The following SV2C variants were observed in gnomAD, a reference collection of about 807,000 sequenced individuals.
SV2C encodes the protein solute carrier family 22 member B3.
SV2C carries 49 observed loss-of-function variants against 79.7 expected under a neutral mutation model. The ratio of observed to expected loss-of-function variants is 0.61; its 90% CI spans 0.49 to 0.78. SV2C has a LOEUF of 0.78. Ranked by LOEUF, SV2C falls within the 30% of genes least tolerant of loss-of-function variation. The probability of loss-of-function intolerance (pLI) is 0.00; values close to 1 mark genes in which losing one functional copy is unlikely to be tolerated. For missense variants in SV2C, 833 were observed against 912.9 expected (o/e 0.91, Z 1.13); for synonymous variants, 334 against 333.2 (o/e 1.00, Z -0.03).
chr5:76,022,743 TA>T, the SV2C span, among the ~76,000 whole-genome samples: 1 of 152,246 alleles, frequency 6.6e-6, no homozygotes, highest in Non-Finnish European at 1.5e-5. Context: ...ACATATAAAA[TA>T]ATGCATTAAT....
chr5:76,273,653 C>T (rs921247875), intron 4 of SV2C, among the ~76,000 whole-genome samples: 2 of 152,134 alleles, frequency 1.3e-5, no homozygotes, highest in Non-Finnish European at 2.9e-5. Context: ...AAGGGCAAGA[C>T]CAGAGCTTGG....
chr5:76,349,344 C>G (rs1236311019), intron 12 of SV2C, among the ~76,000 whole-genome samples: 1 of 152,096 alleles, frequency 6.6e-6, no homozygotes, highest in Non-Finnish European at 1.5e-5. Flanking sequence ...AAATCCCTGT[C>G]TCTACTAAAA....
chr5:76,097,096 C>T (rs906606317), intron 1 of SV2C, among the ~76,000 whole-genome samples: 1 of 152,138 alleles, frequency 6.6e-6, no homozygotes, highest in African/African-American at 2.4e-5. Flanking sequence ...AGCCCACATT[C>T]CATTGACCAA....
At chr5:76,002,988 C>G in the SV2C span, among the ~76,000 whole-genome samples, 7 of 151,874 alleles carry the variant, frequency 4.6e-5, no homozygotes, top group East Asian at 1.2e-3. Flanking sequence ...GGGAGGGGCC[C>G]GGTGGGAGGT....
At position 76,162,060 on chromosome 5, in the gene SV2C, G is replaced by C. The variant is rs530864444; in HGVS notation, c.580+29730G>C. 5.3e-5 allele frequency among the ~76,000 whole-genome samples: 8 copies of C among 151,908 alleles called. No homozygotes were observed. In the East Asian group the frequency reaches 1.4e-3, roughly 26 times the overall value. ...TATAGTCTTTAGACTGATGCTCTTGGATAAGTTTGGCTTAGAAGAAAAAAA... is the reference window on the plus strand; with the variant it reads ...TATAGTCTTTAGACTGATGCTCTTGCATAAGTTTGGCTTAGAAGAAAAAAA... On this transcript the variant is annotated intron_variant, in intron 2 of 12. Coordinates refer to ENST00000502798, the MANE Select transcript of SV2C (RefSeq NM_014979.4).
the SV2C span, among the ~76,000 whole-genome samples, chr5:75,881,814 G>A: frequency 1.9e-4 from 28 of 149,178 alleles, 1 homozygote; most frequent in Admixed American, 1.8e-3. Flanking sequence ...AATTGCCCTG[G>A]CCAGAACTTC....
chr5:76,336,882 G>A (rs1342554234), downstream of SV2C, among the ~76,000 whole-genome samples: 1 of 152,220 alleles, frequency 6.6e-6, no homozygotes, highest in East Asian at 1.9e-4. Flanking sequence ...TTCACCAGAG[G>A]ATGCTGGGGT....
At chr5:76,212,449 T>TTC (rs959709096) in intron 4 of SV2C, among the ~76,000 whole-genome samples, 6 of 151,714 alleles carry the variant, frequency 4.0e-5, no homozygotes, top group East Asian at 1.9e-4. Context: ...GTGCTTTTTT[T>TTC]TCTCTCTCTC....
At chr5:76,064,577 G>A in the SV2C span, among the ~76,000 whole-genome samples, 1 of 152,106 alleles carries the variant, frequency 6.6e-6, no homozygotes, top group African/African-American at 2.4e-5. Context: ...GGGGTATTGT[G>A]TTAGGTCCTA....
the SV2C span, among the ~76,000 whole-genome samples, chr5:76,007,306 C>T: frequency 1.3e-5 from 2 of 151,830 alleles, no homozygotes; most frequent in East Asian, 2.0e-4. Flanking sequence ...AAAACATAAG[C>T]GTATAGTGAA....
the SV2C span, among the ~76,000 whole-genome samples, chr5:75,950,554 A>G: frequency 6.6e-6 from 1 of 151,996 alleles, no homozygotes; most frequent in Non-Finnish European, 1.5e-5. Context: ...TGATACTACA[A>G]TTGGTCAAAA....
chr5:76,152,809 C>A (rs145800173), intron 2 of SV2C, among the ~76,000 whole-genome samples: 1 of 152,122 alleles, frequency 6.6e-6, no homozygotes, highest in African/African-American at 2.4e-5. Context: ...GGCACACTAC[C>A]GTTATAAGGT....
chr5:75,949,671 G>A, the SV2C span, among the ~76,000 whole-genome samples: 1 of 151,842 alleles, frequency 6.6e-6, no homozygotes, highest in African/African-American at 2.4e-5. Flanking sequence ...ATTTTTTCTT[G>A]TCTGCCACCA....
the SV2C span, among the ~76,000 whole-genome samples, chr5:76,006,130 C>T: frequency 1.3e-5 from 2 of 152,182 alleles, no homozygotes; most frequent in Non-Finnish European, 2.9e-5. Context: ...TTTGACTTCT[C>T]TAGAGGACAG....
the SV2C span, among the ~76,000 whole-genome samples, chr5:75,851,754 C>T: frequency 6.6e-6 from 1 of 152,154 alleles, no homozygotes; most frequent in Non-Finnish European, 1.5e-5. Flanking sequence ...CATTCTGCTG[C>T]CTCCGCTGCC....
intron 4 of SV2C, among the ~76,000 whole-genome samples, chr5:76,213,489 C>A (rs1358331421): frequency 6.6e-6 from 1 of 151,976 alleles, no homozygotes; most frequent in East Asian, 1.9e-4. Context: ...GTAAGTTTAC[C>A]ACCTCCCCCA....
At chr5:76,214,089 T>A (rs143634113) in intron 4 of SV2C, among the ~76,000 whole-genome samples, 1 of 144,004 alleles carries the variant, frequency 6.9e-6, no homozygotes, top group East Asian at 1.9e-4. Context: ...TGTGCATATA[T>A]GTGTGTGTGT....
chr5:75,907,969 G>A, the SV2C span, among the ~76,000 whole-genome samples: 1 of 152,210 alleles, frequency 6.6e-6, no homozygotes, highest in African/African-American at 2.4e-5. Context: ...ATGGGAGAGA[G>A]TGGATTTAAC....
chr5:75,852,838 A>AAG, the SV2C span, among the ~76,000 whole-genome samples: 19 of 140,812 alleles, frequency 1.3e-4, no homozygotes, highest in Non-Finnish European at 2.1e-4. Flanking sequence ...AAAAAAAAAA[A>AAG]AAAAAGAAAA....
Sources: gnomAD v4.1 joint callset for allele counts (sites outside exome capture counted in the v4.1 genomes callset) on GRCh38, gnomAD v4.1.1 for gene constraint, MANE v1.5 for transcripts, NCBI Gene and HGNC (gene_info 2026-07-23, HGNC 2026-07-21) for gene names.